Variants in RBMS3 observed in about 807,000 individuals in gnomAD.
The protein encoded by RBMS3 is RNA-binding motif, single-stranded-interacting protein 3.
In RBMS3, 27 loss-of-function variants were observed where a neutral mutation model predicts 66.8. That is an observed-to-expected ratio of 0.40 (90% CI 0.30 to 0.56). The LOEUF (loss-of-function observed/expected upper bound fraction) is 0.56, where lower values mean the gene tolerates loss of function less well. Ranked by LOEUF, RBMS3 falls within the 20% of genes least tolerant of loss-of-function variation. RBMS3 has a pLI of 0.40. For synonymous variants in RBMS3, 188 were observed against 183.0 expected, an observed-to-expected ratio of 1.03 and a Z score of -0.22; for missense variants, 513 against 549.5, an observed-to-expected ratio of 0.93 and a Z score of 0.66.
chr3:29,680,424 T>C (rs968076848), intron 4 of RBMS3, among the ~76,000 whole-genome samples: 2 of 152,232 alleles, frequency 1.3e-5, no homozygotes, highest in Admixed American at 6.5e-5. Context: ...AGAGTTTTGT[T>C]GGCATTTCCT....
intron 6 of RBMS3, among the ~76,000 whole-genome samples, chr3:29,845,541 A>C (rs949305435): frequency 6.6e-6 from 1 of 152,176 alleles, no homozygotes; most frequent in Non-Finnish European, 1.5e-5. Flanking sequence ...AATATGTATA[A>C]ACTAATAAAA....
At chr3:29,939,816 A>G (rs941801826) in intron 11 of RBMS3, among the ~76,000 whole-genome samples, 1 of 151,796 alleles carries the variant, frequency 6.6e-6, no homozygotes, top group African/African-American at 2.4e-5. Context: ...AGTCCCCAAT[A>G]CTAACCTCAT....
chr3:29,893,746 A>T (rs2060058156), intron 8 of RBMS3, among the ~76,000 whole-genome samples: 1 of 151,526 alleles, frequency 6.6e-6, no homozygotes. Flanking sequence ...TATATTATTT[A>T]AGCTTCCACT....
intron 6 of RBMS3, among the ~76,000 whole-genome samples, chr3:29,829,857 A>T (rs2058319907): frequency 6.6e-6 from 1 of 152,184 alleles, no homozygotes; most frequent in Non-Finnish European, 1.5e-5. Flanking sequence ...TTATCTATTT[A>T]CACTGCATTG....
intron 4 of RBMS3, among the ~76,000 whole-genome samples, chr3:29,673,796 G>A (rs547260599): frequency 3.3e-4 from 50 of 152,164 alleles, no homozygotes; most frequent in South Asian, 2.1e-3. Context: ...AGGACCAGAC[G>A]GATTCACAGC....
intron 6 of RBMS3, among the ~76,000 whole-genome samples, chr3:29,799,249 A>C (rs2057313348): frequency 6.6e-6 from 1 of 152,140 alleles, no homozygotes; most frequent in East Asian, 1.9e-4. Flanking sequence ...ATCTTCCTCC[A>C]CCAAATCATC....
At chr3:29,879,809 AAAT>A (rs1559762961) in intron 7 of RBMS3, among the ~76,000 whole-genome samples, 2 of 152,020 alleles carry the variant, frequency 1.3e-5, no homozygotes, top group East Asian at 3.9e-4. Context: ...TAAAAAAAAA[AAAT>A]AATTCAGGCC....
intron 1 of RBMS3, among the ~76,000 whole-genome samples, chr3:29,415,354 A>G (rs1315961540): frequency 1.3e-5 from 2 of 152,338 alleles, no homozygotes; most frequent in East Asian, 3.9e-4. Context: ...AATAAATGGA[A>G]TAGCTTGCAG....
intron 6 of RBMS3, among the ~76,000 whole-genome samples, chr3:29,775,534 G>A (rs982074793): frequency 6.6e-6 from 1 of 151,992 alleles, no homozygotes; most frequent in East Asian, 1.9e-4. Flanking sequence ...TTTAGGGAGA[G>A]TTTAAGACTA....
At chr3:29,796,712 C>CTTTTTTTTATT (rs2057204473) in intron 6 of RBMS3, among the ~76,000 whole-genome samples, 1 of 115,288 alleles carries the variant, frequency 8.7e-6, no homozygotes, top group Non-Finnish European at 1.7e-5. Context: ...TGAAAGGAAT[C>CTTTTTTTTATT]TTTTTTTTTT....
chr3:29,796,433 A>G (rs2057189817), intron 6 of RBMS3, among the ~76,000 whole-genome samples: 1 of 152,222 alleles, frequency 6.6e-6, no homozygotes, highest in East Asian at 1.9e-4. Context: ...GACAAATGTT[A>G]TTAATGGCAT....
intron 4 of RBMS3, among the ~76,000 whole-genome samples, chr3:29,597,490 A>G (rs887163430): frequency 1.3e-5 from 2 of 152,182 alleles, no homozygotes; most frequent in Non-Finnish European, 2.9e-5. Context: ...AGAAGGCAGC[A>G]TACTCAGTTT....
chr3:29,700,305 G>A (rs897086343), intron 4 of RBMS3, among the ~76,000 whole-genome samples: 2 of 152,186 alleles, frequency 1.3e-5, no homozygotes, highest in Admixed American at 1.3e-4. Flanking sequence ...GACAGGAATA[G>A]TATGGAGTTC....
chr3:29,322,599 G>T (rs1391678935), intron 1 of RBMS3, among the ~76,000 whole-genome samples: 1 of 151,080 alleles, frequency 6.6e-6, no homozygotes, highest in Non-Finnish European at 1.5e-5. Context: ...CAAGTCAGTT[G>T]CCATGCTAAT....
At chr3:29,872,702 G>A (rs749524274) in intron 7 of RBMS3, among the ~76,000 whole-genome samples, 11 of 152,084 alleles carry the variant, frequency 7.2e-5, no homozygotes, top group Non-Finnish European at 1.2e-4. Context: ...CTTCCTCCCC[G>A]GTGCCTCCTC....
At chr3:29,539,587 C>T (rs1315123059) in intron 3 of RBMS3, among the ~76,000 whole-genome samples, 2 of 152,214 alleles carry the variant, frequency 1.3e-5, no homozygotes, top group East Asian at 1.9e-4. Context: ...TCAACAGAAT[C>T]TGGTCATCCA....
chr3:29,828,388 T>C (rs372753889), intron 6 of RBMS3, among the ~76,000 whole-genome samples: 1 of 152,170 alleles, frequency 6.6e-6, no homozygotes, highest in East Asian at 1.9e-4. Flanking sequence ...AGATCACTTA[T>C]GTGTACTGCT....
intron 1 of RBMS3, among the ~76,000 whole-genome samples, chr3:29,323,752 A>C (rs182104345): frequency 6.6e-5 from 10 of 151,506 alleles, no homozygotes; most frequent in African/African-American, 2.4e-4. Context: ...TCTAGATGCA[A>C]TTTTAAAAAT....
chr3:29,779,398 A>G (rs534054539), intron 6 of RBMS3, among the ~76,000 whole-genome samples: 3 of 151,734 alleles, frequency 2.0e-5, no homozygotes, highest in Non-Finnish European at 3.0e-5. Flanking sequence ...TGTCAGACCC[A>G]TATTTTCTCC....
Sources: allele counts gnomAD v4.1 joint callset (sites outside exome capture counted in the v4.1 genomes callset), GRCh38; gene constraint gnomAD v4.1.1; transcripts MANE v1.5; gene names NCBI Gene and HGNC (gene_info 2026-07-23, HGNC 2026-07-21).